Variants in EPHB2 observed in about 807,000 individuals in gnomAD.
EPHB2 encodes ephrin type-B receptor 2.
Under a neutral mutation model 96.4 loss-of-function variants are expected in EPHB2, and 18 were observed. That is an observed-to-expected ratio of 0.19 (90% CI 0.13 to 0.28). EPHB2 has a LOEUF of 0.28. Among genes scored for constraint, EPHB2 ranks in the 10% least tolerant of loss-of-function variants. EPHB2 has a pLI of 1.00. For missense variants in EPHB2, 989 were observed against 1,355.4 expected (o/e 0.73, Z 4.25); for synonymous variants, 506 against 534.1 (o/e 0.95, Z 0.72).
At chr1:22,785,127 T>C in intron 3 of EPHB2, 51 bp downstream of exon 3, 1 of 1,606,774 alleles carries the variant, frequency 6.2e-7, no homozygotes, top group Non-Finnish European at 8.5e-7. Flanking sequence ...GAACTGGTCT[T>C]GGCTGCAGAC....
chr1:22,892,464 C>T (rs1365691856), intron 6 of EPHB2, among the ~76,000 whole-genome samples: 1 of 152,134 alleles, frequency 6.6e-6, no homozygotes, highest in African/African-American at 2.4e-5. Flanking sequence ...TAGGGGTGGC[C>T]CTGTTTCATC....
chr1:22,912,569 C>T lies in EPHB2; in HGVS notation c.2822C>T (p.Ser941Phe). 1 of 1,614,086 alleles carries T rather than the reference C, an allele frequency of 6.2e-7. No homozygotes were observed. The highest frequency in any genetic ancestry group is 8.5e-7 in the Non-Finnish European group (1 of 1,180,044). Residue 941 changes from serine to phenylalanine, a missense_variant, in exon 15 of 16, where the codon TCC becomes TTC. By Grantham distance (155) the Ser-to-Phe change is radical. Transcript: ENST00000374630. ...KESFANAGFTSFDVVSQMMME... is the reference protein window; with the variant it reads ...KESFANAGFTFFDVVSQMMME... Reference sequence around the variant, plus strand: ...AGCTTCGCCAATGCCGGCTTCACCTCCTTTGACGTCGTGTCTCAGATGATG... The same window carrying T: ...AGCTTCGCCAATGCCGGCTTCACCTTCTTTGACGTCGTGTCTCAGATGATG...
At chr1:22,862,393 G>A (rs777644050) in intron 3 of EPHB2, among the ~76,000 whole-genome samples, 1 of 152,190 alleles carries the variant, frequency 6.6e-6, no homozygotes, top group Non-Finnish European at 1.5e-5. Context: ...TGGGCCTTAC[G>A]CTTAAGCAGA....
At chr1:22,779,203 G>A (rs547143084) in intron 1 of EPHB2, among the ~76,000 whole-genome samples, 14 of 152,324 alleles carry the variant, frequency 9.2e-5, no homozygotes, top group African/African-American at 2.9e-4. Flanking sequence ...AGTGTGAAAA[G>A]GAACCCTTTT....
chr1:22,870,693 C>G (rs538559522), intron 5 of EPHB2, among the ~76,000 whole-genome samples: 1 of 152,320 alleles, frequency 6.6e-6, no homozygotes, highest in East Asian at 1.9e-4. Flanking sequence ...GCCCCGGACA[C>G]AGCCTAAGCC....
chr1:22,800,796 A>ACTCT (rs1007988439), intron 3 of EPHB2, among the ~76,000 whole-genome samples: 1 of 95,504 alleles, frequency 1.0e-5, no homozygotes, highest in Admixed American at 1.1e-4. Flanking sequence ...ACACACACAC[A>ACTCT]CTCTCTCTCT....
intron 3 of EPHB2, among the ~76,000 whole-genome samples, chr1:22,805,900 AG>A (rs1042263053): frequency 3.3e-5 from 5 of 152,172 alleles, no homozygotes; most frequent in Non-Finnish European, 5.9e-5. Flanking sequence ...TGTATGCAGC[AG>A]GGGGCAGGAG....
intron 3 of EPHB2, among the ~76,000 whole-genome samples, chr1:22,811,989 T>C (rs1172431701): frequency 6.6e-6 from 1 of 152,210 alleles, no homozygotes; most frequent in Non-Finnish European, 1.5e-5. Context: ...CAGTGAGCCA[T>C]GATCACACTG....
rs180792131 is a variant in EPHB2 at position 22,752,261 on chromosome 1, G to A, written c.62-29160G>A. ...GCCCATAATCCCAGCACTTTGGGGGGCCAAGGCAAGCAGATTCCTTGAGCC... is the reference window on the plus strand; with the variant it reads ...GCCCATAATCCCAGCACTTTGGGGGACCAAGGCAAGCAGATTCCTTGAGCC... On this transcript the variant is annotated intron_variant, in intron 1 of 15. Transcript: ENST00000374630. Among the ~76,000 whole-genome samples, 16 of 152,372 alleles carry A rather than the reference G, an allele frequency of 1.1e-4. No individual in the cohort carries two copies. In the East Asian group the frequency reaches 2.5e-3, roughly 24 times the overall value.
chr1:22,821,966 T>A (rs1024127822), intron 3 of EPHB2, among the ~76,000 whole-genome samples: 12 of 152,038 alleles, frequency 7.9e-5, no homozygotes, highest in African/African-American at 1.9e-4. Context: ...GAAGGGGCAA[T>A]GGATAAGGGA....
At chr1:22,796,324 A>C (rs950637465) in intron 3 of EPHB2, among the ~76,000 whole-genome samples, 12 of 152,050 alleles carry the variant, frequency 7.9e-5, no homozygotes, top group African/African-American at 2.7e-4. Context: ...CTGGCCTGGG[A>C]CTGCTGCTCT....
chr1:22,789,565 T>C (rs1038854722), intron 3 of EPHB2, among the ~76,000 whole-genome samples: 8 of 152,192 alleles, frequency 5.3e-5, no homozygotes, highest in Non-Finnish European at 1.2e-4. Flanking sequence ...ATGCATGTTT[T>C]GAGTAACCTC....
intron 3 of EPHB2, among the ~76,000 whole-genome samples, chr1:22,857,128 C>G (rs1645711711): frequency 6.6e-6 from 1 of 152,186 alleles, no homozygotes; most frequent in African/African-American, 2.4e-5. Context: ...TGGTCTGGAG[C>G]TTGACTTGCA....
chr1:22,715,955 C>G (rs1195557136), intron 1 of EPHB2, among the ~76,000 whole-genome samples: 1 of 152,226 alleles, frequency 6.6e-6, no homozygotes, highest in Non-Finnish European at 1.5e-5. Context: ...CTCAACCCCT[C>G]TAAGGTCCTT....
chr1:22,731,565 C>T (rs985863368), intron 1 of EPHB2, among the ~76,000 whole-genome samples: 6 of 152,168 alleles, frequency 3.9e-5, no homozygotes, highest in South Asian at 2.1e-4. Flanking sequence ...ATCGGCTAGG[C>T]GCGGTGGCTC....
chr1:22,850,801 A>G lies in EPHB2; in HGVS notation c.812-12236A>G, dbSNP rs1645614942. ...GGCTCAGGGAAGAACTGATGGAACC[A>G]GGACTTGAACCAGGCAGGAGAAACG... On this transcript the variant is annotated intron_variant, in intron 3 of 15. Transcript: ENST00000374630. 2.6e-5 allele frequency among the ~76,000 whole-genome samples: 4 copies of G among 152,152 alleles called. No homozygotes were observed. In the South Asian group the frequency reaches 8.3e-4, roughly 32 times the overall value.
intron 5 of EPHB2, among the ~76,000 whole-genome samples, chr1:22,876,170 TC>T (rs1437437486): frequency 6.6e-6 from 1 of 152,102 alleles, no homozygotes; most frequent in East Asian, 1.9e-4. Flanking sequence ...GGATGGGGTC[TC>T]CAGCTGTCCT....
rs994683995 is a variant in EPHB2, at chr1:22,875,072, C to G, written c.1304-7287C>G. On this transcript the variant is annotated intron_variant, in intron 5 of 15. Transcript: ENST00000374630. The surrounding 1 kb of genome is among the most constrained non-coding windows in gnomAD (Gnocchi z 4.2). ...TAGCCACAGAATACGCAGTGCCACC[C>G]TAGCACCAGTTGTCAGCTTTTCCTT... Among the ~76,000 whole-genome samples, 1 of 152,212 alleles carries G rather than the reference C, an allele frequency of 6.6e-6. No homozygotes were observed. Among genetic ancestry groups the G allele is most frequent in the South Asian group, 2.1e-4 (1 of 4,828 alleles).
intron 3 of EPHB2, among the ~76,000 whole-genome samples, chr1:22,788,753 G>GTTTTTTTTTTTT (rs66554696): frequency 3.0e-5 from 4 of 134,166 alleles, no homozygotes; most frequent in African/African-American, 1.2e-4. Flanking sequence ...TTTTGTTTTT[G>GTTTTTTTTTTTT]TTTTTTTTTT....
Sources: allele counts gnomAD v4.1 joint callset (sites outside exome capture counted in the v4.1 genomes callset), GRCh38; gene constraint gnomAD v4.1.1; non-coding constraint Gnocchi (gnomAD v3.1); transcripts MANE v1.5; gene names NCBI Gene and HGNC (gene_info 2026-07-23, HGNC 2026-07-21).